The following KITLG variants were observed in gnomAD, a reference collection of about 807,000 sequenced individuals.
The protein encoded by KITLG is c-Kit ligand.
KITLG carries 13 observed loss-of-function variants against 34.1 expected under a neutral mutation model. The ratio of observed to expected loss-of-function variants is 0.38; its 90% CI spans 0.25 to 0.61. The LOEUF (loss-of-function observed/expected upper bound fraction) is 0.61. Ranked by LOEUF, KITLG falls within the 20% of genes least tolerant of loss-of-function variation. KITLG has a pLI of 0.60. For missense variants in KITLG, 292 were observed against 318.9 expected (o/e 0.92, Z 0.64); for synonymous variants, 110 against 104.0 (o/e 1.06, Z -0.35).
chr12:88,498,068 TC>T (rs1868709837), intron 9 of KITLG, among the ~76,000 whole-genome samples: 1 of 152,218 alleles, frequency 6.6e-6, no homozygotes, highest in African/African-American at 2.4e-5. Context: ...GTTTCAACTT[TC>T]CAGTAAAGTA....
chr12:88,579,342 C>CA (rs1871934083), intron 1 of KITLG, among the ~76,000 whole-genome samples: 1 of 152,040 alleles, frequency 6.6e-6, no homozygotes, highest in South Asian at 2.1e-4. Context: ...CGGCAGATAA[C>CA]ACATAACAAT....
chr12:88,574,065 CT>C (rs34585685), intron 1 of KITLG, among the ~76,000 whole-genome samples: 99,133 of 148,074 alleles, frequency 0.67, 36,726 homozygotes, highest in Middle Eastern at 0.84. Context: ...GCCATTGCTA[CT>C]TTTTTTTTTT....
chr12:88,575,399 A>G (rs1327936846), intron 1 of KITLG, among the ~76,000 whole-genome samples: 1 of 152,176 alleles, frequency 6.6e-6, no homozygotes, highest in Non-Finnish European at 1.5e-5. Context: ...ATGAGCCCCA[A>G]CTATGAGAAA....
In KITLG at chr12:88,547,208, G is replaced by T. The variant is rs974456206; in HGVS notation, c.16-1343C>A. ...TTTACATAGCTAGCCATATTAAAAA[G>T]GAACTGGATTATTATTTTCAATTAA... On this transcript the variant is annotated intron_variant, in intron 1 of 9. Coordinates refer to ENST00000644744, the MANE Select transcript of KITLG (RefSeq NM_000899.5). Among the ~76,000 whole-genome samples, 23 of 152,126 alleles carry T rather than the reference G, an allele frequency of 1.5e-4. 1 individual carries two copies. The highest frequency in any genetic ancestry group is 6.8e-3 in the Middle Eastern group (2 of 294).
intron 4 of KITLG, among the ~76,000 whole-genome samples, chr12:88,517,722 A>G (rs1381741061): frequency 6.6e-6 from 1 of 152,172 alleles, no homozygotes; most frequent in East Asian, 1.9e-4. Flanking sequence ...TTTGGAAATT[A>G]GAAAATAATA....
chr12:88,539,902 G>T (rs1414428059), intron 2 of KITLG, among the ~76,000 whole-genome samples: 3 of 152,036 alleles, frequency 2.0e-5, no homozygotes, highest in Non-Finnish European at 4.4e-5. Context: ...CCCAGACTGG[G>T]TGATAGACAC....
intron 1 of KITLG, among the ~76,000 whole-genome samples, chr12:88,575,708 T>G (rs1871804215): frequency 6.6e-6 from 1 of 152,190 alleles, no homozygotes; most frequent in Non-Finnish European, 1.5e-5. Context: ...AAGAACAGTG[T>G]GTAAGACCAA....
intron 9 of KITLG, among the ~76,000 whole-genome samples, chr12:88,504,346 T>G (rs1224927533): frequency 2.0e-5 from 3 of 152,126 alleles, no homozygotes; most frequent in African/African-American, 7.2e-5. Context: ...TGAATTAAAA[T>G]TTTTACAATC....
intron 1 of KITLG, among the ~76,000 whole-genome samples, chr12:88,577,197 C>A (rs1566039102): frequency 6.6e-6 from 1 of 152,176 alleles, no homozygotes; most frequent in Non-Finnish European, 1.5e-5. Flanking sequence ...AAACTTGCAT[C>A]ATCACCCACA....
At chr12:88,559,230 T>C (rs1412283352) in intron 1 of KITLG, among the ~76,000 whole-genome samples, 2 of 152,206 alleles carry the variant, frequency 1.3e-5, no homozygotes, top group East Asian at 3.8e-4. Flanking sequence ...CTTTAAGTTA[T>C]CCAGGGTTGT....
intron 3 of KITLG, among the ~76,000 whole-genome samples, chr12:88,523,598 C>A (rs1393461671): frequency 6.6e-6 from 1 of 152,118 alleles, no homozygotes; most frequent in Non-Finnish European, 1.5e-5. Context: ...TGACAATTGC[C>A]ATTTGTGGAC....
intron 9 of KITLG, among the ~76,000 whole-genome samples, chr12:88,499,858 C>G (rs1416515960): frequency 4.6e-5 from 7 of 152,172 alleles, no homozygotes; most frequent in Non-Finnish European, 1.0e-4. Context: ...TTCTCTCTCA[C>G]ATCTTATTTA....
chr12:88,526,082 G>T (rs1869851923), intron 3 of KITLG, among the ~76,000 whole-genome samples: 1 of 152,176 alleles, frequency 6.6e-6, no homozygotes, highest in African/African-American at 2.4e-5. Context: ...GCAAGTTTGT[G>T]TTGGGGAATA....
chr12:88,568,207 T>C (rs1300999203), intron 1 of KITLG, among the ~76,000 whole-genome samples: 1 of 152,160 alleles, frequency 6.6e-6, no homozygotes, highest in African/African-American at 2.4e-5. Flanking sequence ...GCTGGCATAA[T>C]CCATTCCCTA....
intron 1 of KITLG, among the ~76,000 whole-genome samples, chr12:88,559,486 T>G (rs1276174866): frequency 6.6e-6 from 1 of 152,220 alleles, no homozygotes; most frequent in Non-Finnish European, 1.5e-5. Flanking sequence ...AGTCTGCTCC[T>G]ACGGCCCTTC....
At chr12:88,501,628 G>A (rs1307913807) in intron 9 of KITLG, among the ~76,000 whole-genome samples, 3 of 152,184 alleles carry the variant, frequency 2.0e-5, no homozygotes, top group African/African-American at 7.2e-5. Context: ...GTCAATAGAT[G>A]ATTACAAATG....
chr12:88,503,320 G>T lies in KITLG; in HGVS notation c.*37+1839C>A, dbSNP rs545586635. 1.6e-4 allele frequency among the ~76,000 whole-genome samples: 25 copies of T among 152,304 alleles called. No individual in the cohort carries two copies. The South Asian group carries it at 3.5e-3, about 21-fold the overall frequency. On this transcript the variant is annotated intron_variant, in intron 9 of 9. Transcript: ENST00000644744. ...ACTCAGTTCCACTGAAGAAGATTAA[G>T]TCTAGAGACAAATCTCTGAACCTGG...
Position 88,532,285 on chromosome 12 carries a change from GA to G in KITLG, c.192+155del, listed in dbSNP as rs1368563224. Among the ~76,000 whole-genome samples, 11 of 151,180 alleles carry G rather than the reference GA, an allele frequency of 7.3e-5. No homozygotes were observed. The South Asian group carries it at 8.4e-4, about 12-fold the overall frequency. On this transcript the variant is annotated intron_variant, in intron 3 of 9. Transcript: ENST00000644744. Reference sequence around the variant, plus strand: ...AAGTTTAACAGTTGCTTAAGAGGGGGAAAAAAAAGCCTGCAAGTCAAATTCC... The same window carrying G: ...AAGTTTAACAGTTGCTTAAGAGGGGGAAAAAAAGCCTGCAAGTCAAATTCC...
At chr12:88,522,766 G>A (rs1382659964) in intron 3 of KITLG, among the ~76,000 whole-genome samples, 1 of 152,168 alleles carries the variant, frequency 6.6e-6, no homozygotes, top group East Asian at 1.9e-4. Context: ...TAAGATTTAC[G>A]GATTAAGAAG....
Sources: gnomAD v4.1 joint callset for allele counts (sites outside exome capture counted in the v4.1 genomes callset) on GRCh38, gnomAD v4.1.1 for gene constraint, MANE v1.5 for transcripts, NCBI Gene and HGNC (gene_info 2026-07-23, HGNC 2026-07-21) for gene names.